The following GRIK4 variants were observed in gnomAD, a reference collection of about 807,000 sequenced individuals.
GRIK4 encodes glutamate ionotropic receptor kainate type subunit 4.
A neutral mutation model predicts 104.9 loss-of-function variants in GRIK4; 40 were observed. That is an observed-to-expected ratio of 0.38 (90% CI 0.30 to 0.50). The LOEUF (loss-of-function observed/expected upper bound fraction) is 0.50, where lower values mean the gene tolerates loss of function less well. GRIK4 is among the 20% of genes least tolerant of loss of function. The probability of loss-of-function intolerance (pLI) is 0.93; values close to 1 mark genes in which losing one functional copy is unlikely to be tolerated. For synonymous variants in GRIK4, 485 were observed against 524.9 expected (o/e 0.92, Z 1.04); for missense variants, 1,047 against 1,308.1 (o/e 0.80, Z 3.08).
intron 3 of GRIK4, among the ~76,000 whole-genome samples, chr11:120,679,599 A>T (rs1259793775): frequency 6.6e-6 from 1 of 152,158 alleles, no homozygotes; most frequent in African/African-American, 2.4e-5. Flanking sequence ...CCAGGCCCAG[A>T]GGCACCAAGA....
At position 120,599,641 on chromosome 11, in the gene GRIK4, G is replaced by A. The variant is rs571776454; in HGVS notation, c.-158-54044G>A. On this transcript the variant is annotated intron_variant, in intron 1 of 20. Transcript: ENST00000527524. ...TGTGCTTCCAGGGATATAGTGCCCC[G>A]TTTTCAGTGCAGAAAGTACTTTGAT... Among the ~76,000 whole-genome samples, 14 of 152,340 alleles carry A rather than the reference G, an allele frequency of 9.2e-5. No homozygotes were observed. In the South Asian group the frequency reaches 1.9e-3, roughly 20 times the overall value.
intron 3 of GRIK4, among the ~76,000 whole-genome samples, chr11:120,785,301 C>T (rs1289295514): frequency 6.6e-6 from 1 of 152,216 alleles, no homozygotes; most frequent in Admixed American, 6.5e-5. Context: ...GCTGGGGGCT[C>T]TCCATGACTG....
chr11:120,818,340 C>T (rs1953015011), intron 5 of GRIK4, among the ~76,000 whole-genome samples: 1 of 152,214 alleles, frequency 6.6e-6, no homozygotes, highest in African/African-American at 2.4e-5. Context: ...GTGACCTTTT[C>T]CTTTCAAGGT....
intron 1 of GRIK4, among the ~76,000 whole-genome samples, chr11:120,599,133 A>G (rs1215061764): frequency 2.0e-5 from 3 of 152,256 alleles, no homozygotes; most frequent in Non-Finnish European, 4.4e-5. Context: ...TGGACGGGAT[A>G]TCACGAGGCT....
At chr11:120,831,629 G>T (rs1352161287) in intron 6 of GRIK4, among the ~76,000 whole-genome samples, 1 of 152,166 alleles carries the variant, frequency 6.6e-6, no homozygotes, top group African/African-American at 2.4e-5. Context: ...GTCAGGGGAG[G>T]TGATGGACTC....
intron 3 of GRIK4, among the ~76,000 whole-genome samples, chr11:120,734,964 T>C (rs1303281405): frequency 7.2e-5 from 11 of 152,236 alleles, no homozygotes; most frequent in Non-Finnish European, 5.9e-5. Flanking sequence ...GATAGAATTC[T>C]GAAATCCTTT....
intron 3 of GRIK4, among the ~76,000 whole-genome samples, chr11:120,703,515 C>T (rs1950584378): frequency 6.6e-6 from 1 of 151,930 alleles, no homozygotes; most frequent in Non-Finnish European, 1.5e-5. Context: ...CCACTGTCAG[C>T]CCAACCCAGG....
chr11:120,697,737 G>A (rs577402008), intron 3 of GRIK4, among the ~76,000 whole-genome samples: 3 of 152,308 alleles, frequency 2.0e-5, no homozygotes, highest in South Asian at 4.2e-4. Context: ...GGCATGATCC[G>A]GGTGTGTTGG....
intron 3 of GRIK4, among the ~76,000 whole-genome samples, chr11:120,734,168 C>T (rs145320080): frequency 0.012 from 1,751 of 150,294 alleles, 31 homozygotes; most frequent in African/African-American, 0.04. Context: ...TGCTCATTAA[C>T]GTTCTTTTCT....
intron 3 of GRIK4, among the ~76,000 whole-genome samples, chr11:120,794,888 A>C (rs1208411164): frequency 6.6e-6 from 1 of 152,064 alleles, no homozygotes; most frequent in Non-Finnish European, 1.5e-5. Flanking sequence ...AGCGGCCTGC[A>C]CAGTGGTGTG....
intron 13 of GRIK4, among the ~76,000 whole-genome samples, chr11:120,915,876 G>C (rs1234400418): frequency 6.6e-6 from 1 of 152,172 alleles, no homozygotes; most frequent in Non-Finnish European, 1.5e-5. Flanking sequence ...CAGAGGCTTG[G>C]AGAGTTCCAT....
intron 3 of GRIK4, among the ~76,000 whole-genome samples, chr11:120,763,587 A>C (rs1418173808): frequency 1.3e-5 from 2 of 152,210 alleles, no homozygotes; most frequent in Non-Finnish European, 2.9e-5. Flanking sequence ...ATTTTGTGCT[A>C]TAAATTTCCC....
chr11:120,514,610 CTT>C (rs990054079), intron 1 of GRIK4, among the ~76,000 whole-genome samples: 1 of 152,122 alleles, frequency 6.6e-6, no homozygotes, highest in Non-Finnish European at 1.5e-5. Flanking sequence ...CTGGTGGAGT[CTT>C]TGCTCTGTAG....
At chr11:120,620,185 T>C (rs1949168704) in intron 1 of GRIK4, 1 of 812,840 alleles carries the variant, frequency 1.2e-6, no homozygotes, top group Non-Finnish European at 2.2e-6. Flanking sequence ...TACAATAAAT[T>C]CATGACCATC....
At chr11:120,622,436 G>A (rs1949201542) in intron 1 of GRIK4, among the ~76,000 whole-genome samples, 1 of 152,058 alleles carries the variant, frequency 6.6e-6, no homozygotes, top group Non-Finnish European at 1.5e-5. Flanking sequence ...TTAACCACTG[G>A]GCAGACTTTT....
chr11:120,609,450 A>G (rs1475378830), intron 1 of GRIK4, among the ~76,000 whole-genome samples: 7 of 144,170 alleles, frequency 4.9e-5, no homozygotes, highest in Admixed American at 4.1e-4. Flanking sequence ...CCCCTTTCCC[A>G]AAGGTAGCTT....
intron 3 of GRIK4, among the ~76,000 whole-genome samples, chr11:120,675,720 C>A (rs941795646): frequency 4.6e-5 from 7 of 151,976 alleles, no homozygotes; most frequent in South Asian, 2.1e-4. Context: ...TCTCTGTTTC[C>A]TACTATGAAA....
chr11:120,929,025 G>A (rs1324212336), intron 13 of GRIK4, among the ~76,000 whole-genome samples: 2 of 50,992 alleles, frequency 3.9e-5, no homozygotes, highest in Non-Finnish European at 6.0e-5. Context: ...GTGCGCACAT[G>A]TGTGTGTGTG....
At chr11:120,629,779 G>A (rs1949310242) in intron 1 of GRIK4, among the ~76,000 whole-genome samples, 1 of 152,212 alleles carries the variant, frequency 6.6e-6, no homozygotes, top group Admixed American at 6.5e-5. Flanking sequence ...ATGCTGGGCG[G>A]CTGGGGAGTT....
Sources: allele counts gnomAD v4.1 joint callset (sites outside exome capture counted in the v4.1 genomes callset), GRCh38; gene constraint gnomAD v4.1.1; transcripts MANE v1.5; gene names NCBI Gene and HGNC (gene_info 2026-07-23, HGNC 2026-07-21).